The following HNF4A variants were observed in gnomAD, a reference collection of about 807,000 sequenced individuals.
HNF4A encodes the protein hepatocyte nuclear factor 4-alpha.
HNF4A carries 15 observed loss-of-function variants against 52.4 expected under a neutral mutation model. The ratio of observed to expected loss-of-function variants is 0.29; its 90% CI spans 0.19 to 0.44. The LOEUF is 0.44. Ranked by LOEUF, HNF4A falls within the 20% of genes least tolerant of loss-of-function variation. The pLI, the probability that HNF4A is intolerant of heterozygous loss-of-function variation, is 1.00. For synonymous variants in HNF4A, 280 were observed against 264.4 expected (o/e 1.06, Z -0.57); for missense variants, 479 against 647.2 (o/e 0.74, Z 2.82).
chr20:44,382,474 T>C (rs2063167874), intron 1 of HNF4A, among the ~76,000 whole-genome samples: 1 of 152,118 alleles, frequency 6.6e-6, no homozygotes, highest in Non-Finnish European at 1.5e-5. Flanking sequence ...CTTGACCTCG[T>C]GATCCGCCCG....
Position 44,430,486 on chromosome 20 carries a change from C to A in HNF4A, c.*821C>A, listed in dbSNP as rs1265605781. On this transcript the variant is annotated 3_prime_UTR_variant, in exon 10 of 10. Transcript: ENST00000316099. ...AAGCATCAGAAAGAGGCAGACCATCCACCAGGCCTTTGAGAAAGGGTAGAA... is the reference window on the plus strand; with the variant it reads ...AAGCATCAGAAAGAGGCAGACCATCAACCAGGCCTTTGAGAAAGGGTAGAA... 2 of 152,460 alleles carry A rather than the reference C, an allele frequency of 1.3e-5. No homozygotes were observed. Among genetic ancestry groups the A allele is most frequent in the East Asian group, 1.9e-4 (1 of 5,298 alleles). The allele number at this position is 152,460 out of a possible 1,614,324, so 9.4% of individuals were successfully genotyped here. A position where few individuals can be genotyped will look rare whatever the true frequency, so the allele number is the denominator to read the frequency against.
chr20:44,363,428 G>C (rs1487992609), intron 1 of HNF4A, among the ~76,000 whole-genome samples: 2 of 152,248 alleles, frequency 1.3e-5, no homozygotes, highest in East Asian at 1.9e-4. Context: ...ATAGATAACT[G>C]GTCCCAGGAT....
chr20:44,421,659 C>G (rs891870287), intron 7 of HNF4A, among the ~76,000 whole-genome samples: 1 of 151,652 alleles, frequency 6.6e-6, no homozygotes, highest in Non-Finnish European at 1.5e-5. Context: ...GAGGCTGAGG[C>G]AGGAGAATCG....
chr20:44,382,854 TA>T (rs1287666970), intron 1 of HNF4A, among the ~76,000 whole-genome samples: 7 of 152,154 alleles, frequency 4.6e-5, no homozygotes, highest in African/African-American at 1.7e-4. Flanking sequence ...GAGGATTTTT[TA>T]CTTATCTCCA....
intron 1 of HNF4A, among the ~76,000 whole-genome samples, chr20:44,394,025 C>T (rs1385228954): frequency 6.6e-6 from 1 of 152,158 alleles, no homozygotes; most frequent in South Asian, 2.1e-4. Flanking sequence ...TGGATTATAA[C>T]GTAGTCTCCG....
intron 8 of HNF4A, among the ~76,000 whole-genome samples, chr20:44,426,708 G>A (rs2146480691): frequency 6.6e-6 from 1 of 152,296 alleles, no homozygotes; most frequent in Non-Finnish European, 1.5e-5. Flanking sequence ...TCGGGAGGCT[G>A]AGGCAGGACA....
At chr20:44,361,154 C>A (rs6031552) in intron 1 of HNF4A, among the ~76,000 whole-genome samples, 24,546 of 152,010 alleles carry the variant, frequency 0.16, 2,384 homozygotes, top group Middle Eastern at 0.26. Flanking sequence ...CAGTCTTCAG[C>A]CCCTATGATT....
intron 7 of HNF4A, among the ~76,000 whole-genome samples, chr20:44,422,019 T>C (rs531110034): frequency 1.2e-3 from 184 of 151,786 alleles, no homozygotes; most frequent in Admixed American, 2.1e-3. Flanking sequence ...ACCTGTGAAG[T>C]AGGAATTATT....
At chr20:44,409,919 C>A (rs3787351) in intron 3 of HNF4A, among the ~76,000 whole-genome samples, 62,976 of 151,396 alleles carry the variant, frequency 0.42, 13,686 homozygotes, top group East Asian at 0.8. Context: ...CTCACTGCAA[C>A]CTCCACCTCC....
intron 7 of HNF4A, among the ~76,000 whole-genome samples, chr20:44,420,501 C>T (rs751847919): frequency 2.0e-5 from 3 of 152,042 alleles, no homozygotes; most frequent in African/African-American, 4.8e-5. Flanking sequence ...TATCTAGAAC[C>T]GGATGTGGTG....
chr20:44,403,029 C>A (rs2063432730), intron 1 of HNF4A, among the ~76,000 whole-genome samples: 1 of 152,220 alleles, frequency 6.6e-6, no homozygotes, highest in South Asian at 2.1e-4. Flanking sequence ...TGTCTGAGGA[C>A]CACGCCAGGA....
intron 1 of HNF4A, among the ~76,000 whole-genome samples, chr20:44,382,623 T>C (rs1600663740): frequency 6.6e-6 from 1 of 152,152 alleles, no homozygotes. Flanking sequence ...AACACAATTG[T>C]CCATATATGC....
At position 44,373,734 on chromosome 20, in the gene HNF4A, C is replaced by T. The variant is rs2063057122; in HGVS notation, c.49+17881C>T. 6.6e-5 allele frequency among the ~76,000 whole-genome samples: 10 copies of T among 152,058 alleles called. 1 individual carries two copies. The South Asian group carries it at 1.9e-3, about 28-fold the overall frequency. ...TCAGAGACAGTCTTGCTCCATTGCC[C>T]AGGCTAGAATAATGGCATGATCTCG... On this transcript the variant is annotated intron_variant, in intron 1 of 9. Transcript: ENST00000316673.
chr20:44,372,726 T>C (rs1332027429), intron 1 of HNF4A: 1 of 151,794 alleles, frequency 6.6e-6, no homozygotes. Flanking sequence ...GTGGACTGAG[T>C]TTGGGGGAAG....
chr20:44,379,735 T>G lies in HNF4A; in HGVS notation c.49+23882T>G, dbSNP rs796646980. Among the ~76,000 whole-genome samples, 497 of 145,304 alleles carry G rather than the reference T, an allele frequency of 3.4e-3. 8 individuals are homozygous for G. The highest frequency in any genetic ancestry group is 0.011 in the African/African-American group (446 of 39,060). ...CCCGGATAATTTTTCTTTTCCTTTT[T>G]TTTTTTTTTTTTTTTTGAGACAGAG... is the stretch of plus-strand genomic sequence containing the variant. On this transcript the variant is annotated intron_variant, in intron 1 of 9. Coordinates refer to the HNF4A transcript ENST00000316673.
intron 1 of HNF4A, among the ~76,000 whole-genome samples, chr20:44,404,181 GCTTA>G (rs557274418): frequency 6.6e-6 from 1 of 152,152 alleles, no homozygotes; most frequent in Admixed American, 6.5e-5. Context: ...CTGATATAGT[GCTTA>G]CTATGTGCCA....
intron 1 of HNF4A, among the ~76,000 whole-genome samples, chr20:44,357,484 C>A (rs2062871012): frequency 6.6e-6 from 1 of 152,148 alleles, no homozygotes; most frequent in Non-Finnish European, 1.5e-5. Context: ...TGGGGAAGGA[C>A]AGCCCAGGTC....
At chr20:44,387,659 G>C (rs1370627132) in intron 1 of HNF4A, among the ~76,000 whole-genome samples, 6 of 90,678 alleles carry the variant, frequency 6.6e-5, no homozygotes, top group South Asian at 1.2e-3. Flanking sequence ...GGCAGGCGGG[G>C]GGGGGGGGAG....
intron 3 of HNF4A, among the ~76,000 whole-genome samples, chr20:44,412,518 A>G (rs899448576): frequency 6.6e-6 from 1 of 152,068 alleles, no homozygotes; most frequent in Non-Finnish European, 1.5e-5. Flanking sequence ...GGAAGCCGGT[A>G]AAAGGTGCGA....
Sources: allele counts gnomAD v4.1 joint callset (sites outside exome capture counted in the v4.1 genomes callset), GRCh38; gene constraint gnomAD v4.1.1; transcripts MANE v1.5; gene names NCBI Gene and HGNC (gene_info 2026-07-23, HGNC 2026-07-21).